The following PACRG variants were observed in gnomAD, a reference collection of about 807,000 sequenced individuals.
PACRG encodes the protein parkin coregulated gene protein.
A neutral mutation model predicts 29.7 loss-of-function variants in PACRG; 29 were observed. That is an observed-to-expected ratio of 0.98 (90% CI 0.73 to 1.33). PACRG has a LOEUF of 1.33. Ranked by LOEUF, PACRG falls within the 40% of genes most tolerant of loss-of-function variation. PACRG has a pLI of 0.00. For missense variants in PACRG, 279 were observed against 316.2 expected (o/e 0.88, Z 0.89); for synonymous variants, 116 against 118.7 (o/e 0.98, Z 0.15).
At chr6:162,877,549 C>A (rs1355426124) in intron 2 of PACRG, among the ~76,000 whole-genome samples, 1 of 149,782 alleles carries the variant, frequency 6.7e-6, no homozygotes, top group African/African-American at 2.5e-5. Flanking sequence ...CAAACCTGCA[C>A]GTTCTGCACA....
At chr6:163,236,588 C>A (rs1337576481) in intron 4 of PACRG, among the ~76,000 whole-genome samples, 1 of 152,146 alleles carries the variant, frequency 6.6e-6, no homozygotes, top group Non-Finnish European at 1.5e-5. Flanking sequence ...TCTTTTCCTA[C>A]CCTCGGGTGA....
intron 2 of PACRG, among the ~76,000 whole-genome samples, chr6:162,844,469 G>A (rs1044924717): frequency 5.3e-5 from 8 of 152,186 alleles, no homozygotes; most frequent in Admixed American, 2.6e-4. Flanking sequence ...CATGGTGCGC[G>A]CACCCACTGA....
At chr6:162,771,810 T>C (rs1414748296) in intron 1 of PACRG, among the ~76,000 whole-genome samples, 1 of 152,156 alleles carries the variant, frequency 6.6e-6, no homozygotes, top group African/African-American at 2.4e-5. Flanking sequence ...CATTTATTAT[T>C]CTGTTAATTA....
intron 4 of PACRG, among the ~76,000 whole-genome samples, chr6:163,141,774 A>C (rs1440375257): frequency 6.6e-6 from 1 of 152,174 alleles, no homozygotes; most frequent in Non-Finnish European, 1.5e-5. Context: ...CTAACAATAT[A>C]GCAGAAACAT....
intron 2 of PACRG, among the ~76,000 whole-genome samples, chr6:162,892,908 A>AGAC: frequency 6.8e-6 from 1 of 146,194 alleles, no homozygotes; most frequent in African/African-American, 2.6e-5. Context: ...ACCCCAGAGA[A>AGAC]CCACCTCAGC....
chr6:162,751,981 A>G (rs563816305), intron 1 of PACRG, among the ~76,000 whole-genome samples: 1 of 152,322 alleles, frequency 6.6e-6, no homozygotes, highest in East Asian at 1.9e-4. Context: ...TTTACATGGA[A>G]TGAAATTAGT....
chr6:163,083,081 C>T (rs1249425810), intron 3 of PACRG, among the ~76,000 whole-genome samples: 1 of 152,200 alleles, frequency 6.6e-6, no homozygotes, highest in East Asian at 1.9e-4. Flanking sequence ...CCTGTTTCCA[C>T]ACTGACAGTG....
intron 4 of PACRG, among the ~76,000 whole-genome samples, chr6:163,311,945 ATATGTCTGTCTCCTGGTC>A (rs1402629675): frequency 6.6e-6 from 1 of 151,856 alleles, no homozygotes; most frequent in Non-Finnish European, 1.5e-5. Context: ...CATCAGGAAA[ATATGTCTGTCTCCTGGTC>A]TATTCAGCTC....
chr6:162,739,843 A>T (rs1217914143), intron 1 of PACRG, among the ~76,000 whole-genome samples: 3 of 46,766 alleles, frequency 6.4e-5, no homozygotes, highest in Non-Finnish European at 1.2e-4. Context: ...TCCATCTTTA[A>T]AAAAAAAAAA....
At chr6:163,133,971 A>G (rs1816834948) in intron 4 of PACRG, among the ~76,000 whole-genome samples, 1 of 152,226 alleles carries the variant, frequency 6.6e-6, no homozygotes, top group Non-Finnish European at 1.5e-5. Flanking sequence ...TAACTTATAT[A>G]TGTGCATATA....
chr6:163,287,832 G>A (rs1193317921), intron 4 of PACRG, among the ~76,000 whole-genome samples: 1 of 152,300 alleles, frequency 6.6e-6, no homozygotes, highest in South Asian at 2.1e-4. Flanking sequence ...GGTGTGGCCC[G>A]ACCGTGGCCA....
At chr6:163,128,806 C>T (rs1034210904) in intron 4 of PACRG, among the ~76,000 whole-genome samples, 7 of 152,108 alleles carry the variant, frequency 4.6e-5, no homozygotes, top group African/African-American at 1.4e-4. Flanking sequence ...ATCCATTTAC[C>T]GCTCAGTAAG....
At chr6:163,066,773 C>T (rs1054358206) in intron 3 of PACRG, among the ~76,000 whole-genome samples, 2 of 152,042 alleles carry the variant, frequency 1.3e-5, no homozygotes. Context: ...TATGTAAACT[C>T]TCTAAAAAAC....
At chr6:162,897,325 T>C (rs529926554) in intron 2 of PACRG, among the ~76,000 whole-genome samples, 1 of 152,226 alleles carries the variant, frequency 6.6e-6, no homozygotes, top group South Asian at 2.1e-4. Context: ...CTTTATAAAA[T>C]GATAGTCATA....
chr6:163,134,477 C>A (rs530669385), intron 4 of PACRG, among the ~76,000 whole-genome samples: 1 of 152,240 alleles, frequency 6.6e-6, no homozygotes, highest in African/African-American at 2.4e-5. Flanking sequence ...ACTTCATGTT[C>A]TGTACTATAC....
chr6:163,205,913 A>T (rs1371203295), intron 4 of PACRG, among the ~76,000 whole-genome samples: 1 of 152,230 alleles, frequency 6.6e-6, no homozygotes, highest in Non-Finnish European at 1.5e-5. Context: ...ACATGAACAG[A>T]CATTTTTCAA....
chr6:163,187,267 C>T (rs1336106772), intron 4 of PACRG, among the ~76,000 whole-genome samples: 2 of 152,114 alleles, frequency 1.3e-5, no homozygotes, highest in Non-Finnish European at 2.9e-5. Flanking sequence ...CTGATCTGTT[C>T]GCGGCCTCTG....
At chr6:163,314,238 G>A (rs1288120151) in intron 4 of PACRG, among the ~76,000 whole-genome samples, 4 of 152,200 alleles carry the variant, frequency 2.6e-5, no homozygotes, top group African/African-American at 9.7e-5. Flanking sequence ...TCCCAGCATT[G>A]AGTGATAGTT....
intron 2 of PACRG, among the ~76,000 whole-genome samples, chr6:162,981,491 T>C (rs1257982246): frequency 6.6e-6 from 1 of 152,006 alleles, no homozygotes; most frequent in Non-Finnish European, 1.5e-5. Flanking sequence ...TTGTGCTTTT[T>C]GCTTAGTCTT....
Sources: allele counts gnomAD v4.1 joint callset (sites outside exome capture counted in the v4.1 genomes callset), GRCh38; gene constraint gnomAD v4.1.1; transcripts MANE v1.5; gene names NCBI Gene and HGNC (gene_info 2026-07-23, HGNC 2026-07-21).